RARB: variants seen among roughly 807,000 people sequenced by gnomAD.
RARB encodes the protein HBV-activated protein.
A neutral mutation model predicts 51.9 loss-of-function variants in RARB; 17 were observed. That is an observed-to-expected ratio of 0.33 (90% CI 0.22 to 0.49). The LOEUF is 0.49. RARB is among the 20% of genes least tolerant of loss of function. The probability of loss-of-function intolerance (pLI) is 0.99; values close to 1 mark genes in which losing one functional copy is unlikely to be tolerated. For missense variants in RARB, 369 were observed against 550.8 expected (o/e 0.67, Z 3.30); for synonymous variants, 215 against 195.4 (o/e 1.10, Z -0.84).
At chr3:25,442,116 T>TTTTA (rs148774111) in intron 1 of RARB, among the ~76,000 whole-genome samples, 4,584 of 147,794 alleles carry the variant, frequency 0.031, 107 homozygotes, top group African/African-American at 0.063. Context: ...TTTATTTTAT[T>TTTTA]TTTATTTATT....
intron 5 of RARB, among the ~76,000 whole-genome samples, chr3:25,236,570 GAA>G (rs1270185269): frequency 6.6e-6 from 1 of 152,084 alleles, no homozygotes; most frequent in South Asian, 2.1e-4. Context: ...GAAGGAAAGA[GAA>G]GAGGAAAGAA....
chr3:25,343,385 T>A, intron 5 of RARB, among the ~76,000 whole-genome samples: 1 of 152,084 alleles, frequency 6.6e-6, no homozygotes, highest in East Asian at 1.9e-4. Flanking sequence ...CTTTAATGCA[T>A]AGTTGTAAAA....
chr3:25,282,644 G>A (rs1373298176), intron 5 of RARB, among the ~76,000 whole-genome samples: 1 of 152,086 alleles, frequency 6.6e-6, no homozygotes, highest in African/African-American at 2.4e-5. Flanking sequence ...TGGATCACGC[G>A]CTCACAGCAT....
rs1243079579 is a variant in RARB, at chr3:25,461,215, C to T, written c.180C>T (p.Ser60=). The T allele has an allele frequency of 1.2e-6, 2 of 1,613,482 alleles. No individual in the cohort carries two copies. The highest frequency in any genetic ancestry group is 2.7e-5 in the African/African-American group (2 of 74,932). The part of the protein sequence containing the change: ...TAQSIETQST[S]SEELVPSPPS... Reference sequence around the variant, plus strand: ...TAGCAATTGAAACACAGAGCACCAGCTCTGAGGAACTCGTCCCAAGCCCCC... The same window carrying T: ...TAGCAATTGAAACACAGAGCACCAGTTCTGAGGAACTCGTCCCAAGCCCCC... Residue 60 remains serine (S), a synonymous_variant, in exon 2 of 8, where the codon AGC becomes AGT. Transcript: ENST00000330688.
chr3:25,145,423 T>TGA (rs1347915488), intron 4 of RARB, among the ~76,000 whole-genome samples: 4 of 152,182 alleles, frequency 2.6e-5, no homozygotes, highest in Non-Finnish European at 5.9e-5. Context: ...GTGATCATAA[T>TGA]GCCACATGTC....
At chr3:24,874,578 A>G (rs998058770) in intron 2 of RARB, among the ~76,000 whole-genome samples, 1 of 152,050 alleles carries the variant, frequency 6.6e-6, no homozygotes, top group African/African-American at 2.4e-5. Flanking sequence ...AGTCATGCTT[A>G]TTATCATGAA....
At chr3:24,923,777 G>A (rs531679684) in intron 2 of RARB, among the ~76,000 whole-genome samples, 11 of 152,250 alleles carry the variant, frequency 7.2e-5, no homozygotes, top group African/African-American at 2.4e-4. Flanking sequence ...AGCTTATGAA[G>A]CTTAAAGACT....
At chr3:25,250,563 A>C (rs1355784321) in intron 5 of RARB, among the ~76,000 whole-genome samples, 1 of 152,162 alleles carries the variant, frequency 6.6e-6, no homozygotes, top group Non-Finnish European at 1.5e-5. Context: ...TTGTGGGGTC[A>C]CTGACAGTGG....
At chr3:25,556,771 T>C (rs1700076833) in intron 3 of RARB, among the ~76,000 whole-genome samples, 1 of 152,264 alleles carries the variant, frequency 6.6e-6, no homozygotes. Flanking sequence ...ATGACAGCAG[T>C]GATGTTGCCT....
chr3:25,163,606 C>T (rs927230045), intron 4 of RARB, among the ~76,000 whole-genome samples: 11 of 149,966 alleles, frequency 7.3e-5, no homozygotes, highest in African/African-American at 2.5e-4. Flanking sequence ...TAACATTTTT[C>T]CACATCAAGG....
chr3:24,947,919 T>C (rs1326591944), intron 2 of RARB, among the ~76,000 whole-genome samples: 3 of 152,158 alleles, frequency 2.0e-5, no homozygotes, highest in East Asian at 3.8e-4. Context: ...GCAAGGCTTG[T>C]AGTGCATGCT....
At chr3:24,961,351 G>A (rs973216257) in intron 2 of RARB, among the ~76,000 whole-genome samples, 5 of 152,322 alleles carry the variant, frequency 3.3e-5, no homozygotes, top group East Asian at 1.9e-4. Context: ...ATAACTGGAA[G>A]TAACATTCAC....
Position 25,163,504 on chromosome 3 carries a change from AATATATAT to A in RARB, c.-279-10588_-279-10581del, listed in dbSNP as rs138389529. Among the ~76,000 whole-genome samples the A allele has an allele frequency of 2.1e-3, 273 of 131,112 alleles. 9 individuals carry two copies. Among genetic ancestry groups the A allele is most frequent in the African/African-American group, 8.0e-3 (249 of 31,182 alleles). 86.0% of individuals were successfully genotyped at this position (131,112 alleles called of 152,430 possible). The stretch of plus-strand genomic sequence containing the variant: ...TGAGCAGAATAAGACCCTATCTCAA[AATATATAT>A]ATATATATATATATATATATATATA... On this transcript the variant is annotated intron_variant, in intron 4 of 11. Coordinates refer to the RARB transcript ENST00000383772.
At chr3:24,914,163 A>G (rs967421619) in intron 2 of RARB, among the ~76,000 whole-genome samples, 5 of 152,198 alleles carry the variant, frequency 3.3e-5, no homozygotes, top group African/African-American at 1.2e-4. Flanking sequence ...ATGCTCCAAC[A>G]TGTTATAGCT....
intron 1 of RARB, among the ~76,000 whole-genome samples, chr3:24,842,366 A>G (rs1006201698): frequency 6.6e-6 from 1 of 152,146 alleles, no homozygotes; most frequent in African/African-American, 2.4e-5. Flanking sequence ...ATAAATGCCA[A>G]TTGGGCTGAA....
intron 2 of RARB, among the ~76,000 whole-genome samples, chr3:25,025,654 A>G (rs529769590): frequency 6.6e-6 from 1 of 152,282 alleles, no homozygotes; most frequent in East Asian, 1.9e-4. Flanking sequence ...AGTATGTTCC[A>G]TTTAGAGGGA....
At chr3:25,457,137 A>G (rs1223987743) in intron 1 of RARB, among the ~76,000 whole-genome samples, 1 of 152,112 alleles carries the variant, frequency 6.6e-6, no homozygotes, top group Non-Finnish European at 1.5e-5. Context: ...ATTCTCAGAC[A>G]TTCTGGCATA....
intron 2 of RARB, among the ~76,000 whole-genome samples, chr3:25,474,167 A>C (rs1486487464): frequency 6.6e-6 from 1 of 152,184 alleles, no homozygotes; most frequent in East Asian, 1.9e-4. Flanking sequence ...TTCTAAGTAC[A>C]CAACACCACC....
chr3:25,339,675 C>T (rs888729958), intron 5 of RARB, among the ~76,000 whole-genome samples: 4 of 151,512 alleles, frequency 2.6e-5, no homozygotes, highest in Non-Finnish European at 5.9e-5. Flanking sequence ...CCCACAAAGG[C>T]ACAGGGATCT....
Sources: gnomAD v4.1 joint callset for allele counts (sites outside exome capture counted in the v4.1 genomes callset) on GRCh38, gnomAD v4.1.1 for gene constraint, MANE v1.5 for transcripts, NCBI Gene and HGNC (gene_info 2026-07-23, HGNC 2026-07-21) for gene names.